The following PBX1 variants were observed in gnomAD, a reference collection of about 807,000 sequenced individuals.
PBX1 encodes the protein pre-B-cell leukemia transcription factor 1.
A neutral mutation model predicts 53.4 loss-of-function variants in PBX1; 6 were observed. The observed-to-expected ratio is 0.11, with a 90% CI of 0.06 to 0.22. PBX1 has a LOEUF of 0.22. Ranked by LOEUF, PBX1 falls within the 10% of genes least tolerant of loss-of-function variation. The probability of loss-of-function intolerance (pLI) is 1.00; values close to 1 mark genes in which losing one functional copy is unlikely to be tolerated. For missense variants in PBX1, 251 were observed against 551.4 expected (o/e 0.46, Z 5.46); for synonymous variants, 204 against 212.3 (o/e 0.96, Z 0.34).
intron 2 of PBX1, among the ~76,000 whole-genome samples, chr1:164,869,582 G>A (rs975361954): frequency 6.6e-6 from 1 of 152,182 alleles, no homozygotes; most frequent in Admixed American, 6.5e-5. Flanking sequence ...TCGATTCTAA[G>A]TATCAGGGGT....
At chr1:164,734,260 T>G (rs868418744) in intron 2 of PBX1, among the ~76,000 whole-genome samples, 1 of 152,230 alleles carries the variant, frequency 6.6e-6, no homozygotes. Context: ...AGATTCCCAG[T>G]AATGGCTTGA....
rs1379430697 is a variant in PBX1 at position 164,849,482 on chromosome 1, A to T, written c.*2806A>T. 7.8e-6 allele frequency: 12 copies of T among 1,530,096 alleles called. No homozygotes were observed. In the East Asian group the frequency reaches 2.5e-4, roughly 31 times the overall value. The allele number at this position is 1,530,096 out of a possible 1,614,324, so 94.8% of individuals were successfully genotyped here. A position where few individuals can be genotyped will look rare whatever the true frequency, so the allele number is the denominator to read the frequency against. ...GGAAAGAGCATGCCTCTGGAAACAC[A>T]GCTTCCTGGGAATTCACATGAGGCC... On this transcript the variant is annotated 3_prime_UTR_variant, in exon 9 of 9. Transcript: ENST00000420696.
chr1:164,745,011 A>G (rs930047310), intron 2 of PBX1, among the ~76,000 whole-genome samples: 4 of 152,198 alleles, frequency 2.6e-5, no homozygotes, highest in African/African-American at 9.7e-5. Context: ...ACAGACTTGC[A>G]AAGTACTGTT....
chr1:164,784,642 T>G (rs1459210175), intron 2 of PBX1, among the ~76,000 whole-genome samples: 3 of 152,234 alleles, frequency 2.0e-5, no homozygotes, highest in Non-Finnish European at 4.4e-5. Context: ...ACACAAAGTT[T>G]TACACATTGT....
chr1:164,820,233 A>G (rs1670086907), intron 7 of PBX1, 49 bp downstream of exon 7: 1 of 1,042,464 alleles, frequency 9.6e-7, no homozygotes. Context: ...AGAGTCCAAG[A>G]GCCCTCAGTT....
intron 8 of PBX1, among the ~76,000 whole-genome samples, chr1:164,823,363 G>A (rs1181916794): frequency 6.6e-6 from 1 of 150,694 alleles, no homozygotes; most frequent in Admixed American, 6.6e-5. Context: ...ATACACACAT[G>A]CATTTATGTA....
At chr1:164,854,945 C>CTCT (rs1671946382), downstream of PBX1, among the ~76,000 whole-genome samples, 1 of 116,350 alleles carries the variant, frequency 8.6e-6, no homozygotes, top group Non-Finnish European at 1.7e-5. Context: ...CTCTCTCTCT[C>CTCT]TTTTTTTTTT....
intron 5 of PBX1, among the ~76,000 whole-genome samples, chr1:164,811,478 T>C (rs1382271015): frequency 6.6e-6 from 1 of 152,192 alleles, no homozygotes; most frequent in Non-Finnish European, 1.5e-5. Context: ...CTAAGGTCTA[T>C]AGTGAAATAC....
chr1:164,588,878 T>C (rs1329714520), intron 2 of PBX1, among the ~76,000 whole-genome samples: 1 of 152,092 alleles, frequency 6.6e-6, no homozygotes, highest in Non-Finnish European at 1.5e-5. Flanking sequence ...AGGGAGGCTG[T>C]TTCTACCCTC....
intron 2 of PBX1, among the ~76,000 whole-genome samples, chr1:164,759,154 A>G (rs988152673): frequency 6.6e-6 from 1 of 152,222 alleles, no homozygotes; most frequent in Non-Finnish European, 1.5e-5. Context: ...TTATCCTACT[A>G]TCTAAAAAAA....
intron 2 of PBX1, among the ~76,000 whole-genome samples, chr1:164,631,980 G>A (rs1658440583): frequency 6.6e-6 from 1 of 152,220 alleles, no homozygotes; most frequent in African/African-American, 2.4e-5. Context: ...TAGGCCATCA[G>A]CCGTAGAGAG....
intron 6 of PBX1, chr1:164,812,858 G>A (rs1279142833): frequency 6.6e-6 from 1 of 152,016 alleles, no homozygotes; most frequent in East Asian, 1.9e-4. Context: ...GTGAAAAAAT[G>A]TAGTTAATAA....
intron 2 of PBX1, among the ~76,000 whole-genome samples, chr1:164,576,014 A>G (rs1654206776): frequency 6.6e-6 from 1 of 152,222 alleles, no homozygotes; most frequent in African/African-American, 2.4e-5. Context: ...AACAAAACCC[A>G]GCAACAATAA....
At chr1:164,843,416 T>C (rs11808475) in intron 8 of PBX1, among the ~76,000 whole-genome samples, 44,860 of 151,934 alleles carry the variant, frequency 0.3, 7,116 homozygotes, top group African/African-American at 0.4. Context: ...CTCATTTTGC[T>C]CAGGCTGTTG....
At chr1:164,585,753 C>T (rs964764555) in intron 2 of PBX1, among the ~76,000 whole-genome samples, 1 of 152,128 alleles carries the variant, frequency 6.6e-6, no homozygotes, top group African/African-American at 2.4e-5. Flanking sequence ...ACTTGGGCAT[C>T]TTGGCAGCTA....
At chr1:164,673,635 G>A (rs563515408) in intron 2 of PBX1, among the ~76,000 whole-genome samples, 1 of 151,752 alleles carries the variant, frequency 6.6e-6, no homozygotes, top group South Asian at 2.1e-4. Flanking sequence ...CGCGCCTGGC[G>A]AAAGTTACTA....
At chr1:164,678,299 C>T (rs61803851) in intron 2 of PBX1, among the ~76,000 whole-genome samples, 9,222 of 152,234 alleles carry the variant, frequency 0.061, 340 homozygotes, top group East Asian at 0.13. Context: ...ACCCAGGAGC[C>T]GCCAGCCCTG....
chr1:164,602,088 GTCT>G (rs1656213093), intron 2 of PBX1, among the ~76,000 whole-genome samples: 1 of 152,220 alleles, frequency 6.6e-6, no homozygotes, highest in Non-Finnish European at 1.5e-5. Context: ...GGGAGTTCAA[GTCT>G]TCTTTCCAGG....
intron 2 of PBX1, among the ~76,000 whole-genome samples, chr1:164,655,000 C>T (rs977889626): frequency 2.6e-5 from 4 of 151,660 alleles, no homozygotes; most frequent in South Asian, 2.1e-4. Flanking sequence ...AAGGATGGCA[C>T]GCTGGATTGG....
Sources: gnomAD v4.1 joint callset for allele counts (sites outside exome capture counted in the v4.1 genomes callset) on GRCh38, gnomAD v4.1.1 for gene constraint, MANE v1.5 for transcripts, NCBI Gene and HGNC (gene_info 2026-07-23, HGNC 2026-07-21) for gene names.